The following ATXN10 variants were observed in gnomAD, a reference collection of about 807,000 sequenced individuals.
The protein encoded by ATXN10 is ataxin-10.
A neutral mutation model predicts 52.9 loss-of-function variants in ATXN10; 28 were observed. That is an observed-to-expected ratio of 0.53 (90% CI 0.39 to 0.73). ATXN10 has a LOEUF of 0.73. ATXN10 is among the 30% of genes least tolerant of loss of function. ATXN10 has a pLI of 0.00. For synonymous variants in ATXN10, 226 were observed against 221.5 expected (o/e 1.02, Z -0.18); for missense variants, 565 against 577.0 (o/e 0.98, Z 0.21).
rs980077312 is a variant in ATXN10, at chr22:45,715,754, A to G, written c.648-2659A>G. ...CACTTTCTTTTCACCTGCATGTGTC[A>G]TGTTCACTAAGGTAGACCATAGGCT... is the stretch of plus-strand genomic sequence containing the variant. On this transcript the variant is annotated intron_variant, in intron 5 of 11. Transcript: ENST00000252934. The surrounding 1 kb of genome is among the most constrained non-coding windows in gnomAD (Gnocchi z 4.4). Among the ~76,000 whole-genome samples the G allele has an allele frequency of 8.5e-5, 13 of 152,210 alleles. No homozygotes were observed. Among genetic ancestry groups the G allele is most frequent in the African/African-American group, 3.1e-4 (13 of 41,452 alleles).
In ATXN10 at chr22:45,774,660, C is replaced by T. The variant is rs948518716; in HGVS notation, c.1174-32299C>T. Among the ~76,000 whole-genome samples the T allele has an allele frequency of 3.3e-5, 5 of 152,144 alleles. No individual in the cohort carries two copies. The highest frequency in any genetic ancestry group is 7.3e-5 in the Non-Finnish European group (5 of 68,030). Reference sequence around the variant, plus strand: ...AAAATAAAGGCAGGGGGGCTGGACGCGGTGGCTCACGCTTATAATCCTAGC... The same window carrying T: ...AAAATAAAGGCAGGGGGGCTGGACGTGGTGGCTCACGCTTATAATCCTAGC... On this transcript the variant is annotated intron_variant, in intron 9 of 11. Transcript: ENST00000252934. This position sits in a 1 kb window ranked among gnomAD's most constrained non-coding sequence, Gnocchi z 6.2.
intron 5 of ATXN10, among the ~76,000 whole-genome samples, chr22:45,717,478 G>A (rs1924489942): frequency 6.6e-6 from 1 of 152,258 alleles, no homozygotes; most frequent in Non-Finnish European, 1.5e-5. Flanking sequence ...AGATTGATAG[G>A]AATACTGTTT....
intron 10 of ATXN10, among the ~76,000 whole-genome samples, chr22:45,832,612 A>G (rs968405436): frequency 1.3e-5 from 2 of 152,266 alleles, no homozygotes; most frequent in Non-Finnish European, 2.9e-5. Context: ...TTGTCTTACC[A>G]GTATTGAGCA....
chr22:45,743,760 T>C (rs1334784784), intron 9 of ATXN10, among the ~76,000 whole-genome samples: 1 of 152,226 alleles, frequency 6.6e-6, no homozygotes. Context: ...GAATTACATA[T>C]ATTATCAACT....
rs994768627 is a variant in ATXN10, at chr22:45,790,946, C to G, written c.1174-16013C>G. The stretch of plus-strand genomic sequence containing the variant: ...CATAGCTTACTGTACTCTCGAACTC[C>G]TGGGCTCAACCCATCTTCATGCCTC... On this transcript the variant is annotated intron_variant, in intron 9 of 11. Coordinates refer to ENST00000252934, the MANE Select transcript of ATXN10 (RefSeq NM_013236.4). The surrounding 1 kb of genome is among the most constrained non-coding windows in gnomAD (Gnocchi z 4.7). Among the ~76,000 whole-genome samples the G allele has an allele frequency of 1.3e-5, 2 of 152,190 alleles. No individual in the cohort carries two copies. Among genetic ancestry groups the G allele is most frequent in the African/African-American group, 4.8e-5 (2 of 41,446 alleles).
At position 45,798,156 on chromosome 22, in the gene ATXN10, C is replaced by T. The variant is rs939203638; in HGVS notation, c.1174-8803C>T. ...TCATAAAATAGAGGAGGGAACACTT[C>T]TCAACTTATTTTATGAAGCCACCAT... On this transcript the variant is annotated intron_variant, in intron 9 of 11. Coordinates refer to ENST00000252934, the MANE Select transcript of ATXN10 (RefSeq NM_013236.4). 7.9e-5 allele frequency among the ~76,000 whole-genome samples: 12 copies of T among 152,330 alleles called. No homozygotes were observed. The East Asian group carries it at 1.7e-3, about 22-fold the overall frequency.
At chr22:45,748,457 A>G (rs1044375350) in intron 9 of ATXN10, among the ~76,000 whole-genome samples, 1 of 152,108 alleles carries the variant, frequency 6.6e-6, no homozygotes, top group African/African-American at 2.4e-5. Context: ...AAATATGAGA[A>G]CTTTCTTTAG....
rs1341258480 is a variant in ATXN10 at position 45,769,080 on chromosome 22, G to C, written c.1173+28542G>C. Among the ~76,000 whole-genome samples the C allele has an allele frequency of 6.6e-6, 1 of 152,068 alleles. No individual in the cohort carries two copies. Among genetic ancestry groups the C allele is most frequent in the East Asian group, 1.9e-4 (1 of 5,172 alleles). ...GGTGGTTTCTGAAGCCGAATGTTGG[G>C]TGTGTGAGTATGTATTATACCTCCC... On this transcript the variant is annotated intron_variant, in intron 9 of 11. Transcript: ENST00000252934. The surrounding 1 kb of genome is among the most constrained non-coding windows in gnomAD (Gnocchi z 4.2).
At chr22:45,725,042 G>A (rs1924813415) in intron 6 of ATXN10, among the ~76,000 whole-genome samples, 2 of 152,102 alleles carry the variant, frequency 1.3e-5, no homozygotes, top group African/African-American at 4.8e-5. Context: ...GTACAATCCT[G>A]TTTTGGTTAC....
At position 45,715,267 on chromosome 22, in the gene ATXN10, T is replaced by C. The variant is rs1203239271; in HGVS notation, c.648-3146T>C. The stretch of plus-strand genomic sequence containing the variant: ...TTTATATATATTGTCTGGTTTTATG[T>C]TGTTTAAGGTAGGGGGTAAATTGTT... On this transcript the variant is annotated intron_variant, in intron 5 of 11. Transcript: ENST00000252934. This position sits in a 1 kb window ranked among gnomAD's most constrained non-coding sequence, Gnocchi z 4.4. Among the ~76,000 whole-genome samples, 1 of 138,924 alleles carries C rather than the reference T, an allele frequency of 7.2e-6. No homozygotes were observed. The highest frequency in any genetic ancestry group is 1.6e-5 in the Non-Finnish European group (1 of 61,214). 91.1% of individuals were successfully genotyped at this position (138,924 alleles called of 152,430 possible).
intron 9 of ATXN10, among the ~76,000 whole-genome samples, chr22:45,791,075 T>C (rs916371011): frequency 1.3e-5 from 2 of 152,194 alleles, no homozygotes; most frequent in Non-Finnish European, 2.9e-5. Flanking sequence ...CCCAGGCTGG[T>C]CTCAAACTCC....
Position 45,805,074 on chromosome 22 carries a change from G to A in ATXN10, c.1174-1885G>A, listed in dbSNP as rs559252781. ...TAGTTTATGTAAGCAACCCCCATTC[G>A]TGGAGACTTGAGTTGTTTCATAATA... On this transcript the variant is annotated intron_variant, in intron 9 of 11. Coordinates refer to ENST00000252934, the MANE Select transcript of ATXN10 (RefSeq NM_013236.4). This position sits in a 1 kb window ranked among gnomAD's most constrained non-coding sequence, Gnocchi z 4.4. Among the ~76,000 whole-genome samples, 6 of 152,242 alleles carry A rather than the reference G, an allele frequency of 3.9e-5. No individual in the cohort carries two copies. In the East Asian group the frequency reaches 7.7e-4, roughly 20 times the overall value.
intron 9 of ATXN10, 164 bp downstream of exon 9, chr22:45,740,702 ACACAC>A: frequency 2.4e-6 from 1 of 420,066 alleles, no homozygotes; most frequent in Non-Finnish European, 4.3e-6. Flanking sequence ...ACACACACAC[ACACAC>A]ACACACACAC....
In ATXN10 at chr22:45,787,826, T is replaced by C. The variant is rs773495318; in HGVS notation, c.1174-19133T>C. ...AGCGGGCAAATAATTTGATGATCAC[T>C]GTAACTTTTAAAGAAAATCTTGTGC... On this transcript the variant is annotated intron_variant, in intron 9 of 11. Coordinates refer to ENST00000252934, the MANE Select transcript of ATXN10 (RefSeq NM_013236.4). The surrounding 1 kb of genome is among the most constrained non-coding windows in gnomAD (Gnocchi z 4.2). Among the ~76,000 whole-genome samples the C allele has an allele frequency of 2.6e-5, 4 of 152,240 alleles. No individual in the cohort carries two copies. Among genetic ancestry groups the C allele is most frequent in the Admixed American group, 6.5e-5 (1 of 15,286 alleles).
chr22:45,831,868 A>G (rs1929003812), intron 10 of ATXN10, among the ~76,000 whole-genome samples: 1 of 152,240 alleles, frequency 6.6e-6, no homozygotes, highest in Admixed American at 6.5e-5. Flanking sequence ...AAGCCCACCC[A>G]GAGCCTGTGC....
At position 45,762,798 on chromosome 22, in the gene ATXN10, C is replaced by A. The variant is rs914809912; in HGVS notation, c.1173+22260C>A. Among the ~76,000 whole-genome samples, 1 of 152,204 alleles carries A rather than the reference C, an allele frequency of 6.6e-6. No individual in the cohort carries two copies. The highest frequency in any genetic ancestry group is 1.5e-5 in the Non-Finnish European group (1 of 68,034). On this transcript the variant is annotated intron_variant, in intron 9 of 11. Coordinates refer to ENST00000252934, the MANE Select transcript of ATXN10 (RefSeq NM_013236.4). The surrounding 1 kb of genome is among the most constrained non-coding windows in gnomAD (Gnocchi z 4.3). ...GCTGTGGAGCCCCCACTGACAGATGCCTTCCCCCTGTGTTTTGGCTCCAAA... is the reference window on the plus strand; with the variant it reads ...GCTGTGGAGCCCCCACTGACAGATGACTTCCCCCTGTGTTTTGGCTCCAAA...
chr22:45,780,053 CGCTTATACAAACAAAAAG>C lies in ATXN10; in HGVS notation c.1174-26903_1174-26886del, dbSNP rs1049877926. Among the ~76,000 whole-genome samples, 6 of 151,454 alleles carry C rather than the reference CGCTTATACAAACAAAAAG, an allele frequency of 4.0e-5. No individual in the cohort carries two copies. The highest frequency in any genetic ancestry group is 8.8e-5 in the Non-Finnish European group (6 of 67,956). On this transcript the variant is annotated intron_variant, in intron 9 of 11. Transcript: ENST00000252934. This position sits in a 1 kb window ranked among gnomAD's most constrained non-coding sequence, Gnocchi z 4.0. ...ACATTCGTGAAATTCCAAATAAAAA[CGCTTATACAAACAAAAAG>C]GCAGACTGCATCATCTTTTTTTTTT...
intron 8 of ATXN10, among the ~76,000 whole-genome samples, chr22:45,739,236 CAT>C (rs1925417688): frequency 6.6e-6 from 1 of 152,104 alleles, no homozygotes; most frequent in Non-Finnish European, 1.5e-5. Context: ...TTAGTGAACA[CAT>C]AGAATGGTGT....
At chr22:45,831,816 G>A (rs574742491) in intron 10 of ATXN10, among the ~76,000 whole-genome samples, 4 of 152,282 alleles carry the variant, frequency 2.6e-5, no homozygotes, top group East Asian at 3.9e-4. Context: ...TTGGCGAAAG[G>A]ATGTGAAGTC....
Sources: gnomAD v4.1 joint callset for allele counts (sites outside exome capture counted in the v4.1 genomes callset) on GRCh38, gnomAD v4.1.1 for gene constraint, Gnocchi (gnomAD v3.1) non-coding constraint, MANE v1.5 for transcripts, NCBI Gene and HGNC (gene_info 2026-07-23, HGNC 2026-07-21) for gene names.